CTTNBP2: variants seen among roughly 807,000 people sequenced by gnomAD.
The protein encoded by CTTNBP2 is cortactin binding protein 2, also known as cortactin-binding protein 2.
CTTNBP2 carries 108 observed loss-of-function variants against 156.9 expected under a neutral mutation model. The observed-to-expected ratio is 0.69, with a 90% CI of 0.59 to 0.81. The LOEUF (loss-of-function observed/expected upper bound fraction) is 0.81, where lower values mean the gene tolerates loss of function less well. Ranked by LOEUF, CTTNBP2 falls within the 30% of genes least tolerant of loss-of-function variation. CTTNBP2 has a pLI of 0.00. For synonymous variants in CTTNBP2, 767 were observed against 751.8 expected (o/e 1.02, Z -0.33); for missense variants, 1,924 against 2,035.4 (o/e 0.95, Z 1.05).
At chr7:117,723,470 G>C (rs1268341847) in intron 19 of CTTNBP2, among the ~76,000 whole-genome samples, 2 of 152,168 alleles carry the variant, frequency 1.3e-5, no homozygotes. Flanking sequence ...CTTTGAGAGA[G>C]GAGGAAAATG....
chr7:117,737,301 T>C (rs1795758385), intron 14 of CTTNBP2, among the ~76,000 whole-genome samples: 1 of 152,176 alleles, frequency 6.6e-6, no homozygotes, highest in South Asian at 2.1e-4. Context: ...CATTTTTAAT[T>C]CAGCGATTAA....
chr7:117,843,190 G>T (rs192673177), intron 2 of CTTNBP2, among the ~76,000 whole-genome samples: 91 of 152,268 alleles, frequency 6.0e-4, no homozygotes, highest in Non-Finnish European at 1.1e-3. Flanking sequence ...TATATGGGAG[G>T]ATATGTGTAG....
intron 5 of CTTNBP2, among the ~76,000 whole-genome samples, 167 bp from the exon 6 acceptor site, chr7:117,783,128 G>A (rs1798520043): frequency 6.6e-6 from 1 of 152,070 alleles, no homozygotes; most frequent in African/African-American, 2.4e-5. Context: ...TATTTTACAG[G>A]AAAAGCAGCC....
At chr7:117,829,879 T>C (rs1037351307) in intron 2 of CTTNBP2, among the ~76,000 whole-genome samples, 1 of 152,212 alleles carries the variant, frequency 6.6e-6, no homozygotes, top group Admixed American at 6.5e-5. Context: ...AATAATATCA[T>C]GCTTGCCTGT....
At chr7:117,762,091 C>A (rs1339087611) in intron 9 of CTTNBP2, among the ~76,000 whole-genome samples, 1 of 152,154 alleles carries the variant, frequency 6.6e-6, no homozygotes, top group Non-Finnish European at 1.5e-5. Context: ...GTTCTCTCCA[C>A]CTTTTCCAGA....
chr7:117,738,953 A>C (rs1352470734), intron 14 of CTTNBP2, among the ~76,000 whole-genome samples: 2 of 152,198 alleles, frequency 1.3e-5, no homozygotes. Context: ...AAAAGGGGGA[A>C]GGGCTGCTAT....
Position 117,808,135 on chromosome 7 carries a change from A to C in CTTNBP2, c.414+2630T>G, listed in dbSNP as rs577385595. ...GTTATTATTTTGGCTACACAGATTC[A>C]AAGTTCTGATCAAATTAAAAGGTCT... On this transcript the variant is annotated intron_variant, in intron 3 of 22. Transcript: ENST00000160373. Among the ~76,000 whole-genome samples, 28 of 152,330 alleles carry C rather than the reference A, an allele frequency of 1.8e-4. No homozygotes were observed. In the East Asian group the frequency reaches 4.6e-3, roughly 25 times the overall value.
chr7:117,828,187 T>G (rs981391522), intron 2 of CTTNBP2, among the ~76,000 whole-genome samples: 3 of 152,182 alleles, frequency 2.0e-5, no homozygotes, highest in African/African-American at 7.2e-5. Context: ...TAAATAAATG[T>G]TCCCCAGTCC....
Position 117,791,415 on chromosome 7 carries a change from C to T in CTTNBP2, c.1781G>A (p.Gly594Glu). Residue 594 changes from glycine to glutamate, a missense_variant, in exon 4 of 23, where the codon GGG (glycine) becomes GAG (glutamate). By Grantham distance (98) the Gly-to-Glu change is moderately conservative. Coordinates refer to ENST00000160373, the MANE Select transcript of CTTNBP2 (RefSeq NM_033427.3). ...GTTCTCCTCATTGATCACCCTGTTC[C>T]CTTGTGGCAAACTGGAAGGAGTCGA... is the stretch of plus-strand genomic sequence containing the variant. ...VASTPSSLPQ[G>E]NRVINEENLP... The T allele has an allele frequency of 6.2e-7, 1 of 1,614,164 alleles. No individual in the cohort carries two copies. Among genetic ancestry groups the T allele is most frequent in the Non-Finnish European group, 8.5e-7 (1 of 1,180,050 alleles).
chr7:117,803,977 A>C (rs1479698210), intron 3 of CTTNBP2, among the ~76,000 whole-genome samples: 2 of 152,098 alleles, frequency 1.3e-5, no homozygotes, highest in African/African-American at 4.8e-5. Context: ...GAATGAATGA[A>C]TGAATGAGAT....
intron 3 of CTTNBP2, among the ~76,000 whole-genome samples, chr7:117,807,719 A>G (rs1361915614): frequency 6.6e-6 from 1 of 152,198 alleles, no homozygotes; most frequent in Non-Finnish European, 1.5e-5. Flanking sequence ...CAGTGAGGGC[A>G]CCAGTGCTGT....
At position 117,746,007 on chromosome 7, in the gene CTTNBP2, C is replaced by T; in HGVS notation, c.3435+6G>A. ...GAAAAGCAGCTGATATACAAGTAAT[C>T]AATACCTTCAGGCAGAGTGCAAGCT... On this transcript the variant is annotated splice_donor_region_variant and intron_variant, in intron 13 of 22. Transcript: ENST00000160373. 1 of 1,613,366 alleles carries T rather than the reference C, an allele frequency of 6.2e-7. No individual in the cohort carries two copies. Among genetic ancestry groups the T allele is most frequent in the Non-Finnish European group, 8.5e-7 (1 of 1,179,318 alleles).
intron 3 of CTTNBP2, among the ~76,000 whole-genome samples, chr7:117,804,332 A>G (rs1799801184): frequency 6.6e-6 from 1 of 152,200 alleles, no homozygotes; most frequent in South Asian, 2.1e-4. Context: ...TATATAACAA[A>G]CATTTGTTTT....
At chr7:117,853,814 C>T (rs1803085317) in intron 2 of CTTNBP2, among the ~76,000 whole-genome samples, 1 of 152,120 alleles carries the variant, frequency 6.6e-6, no homozygotes, top group Admixed American at 6.5e-5. Context: ...AATCAGCAGG[C>T]AAATGCTATG....
At position 117,792,818 on chromosome 7, in the gene CTTNBP2, C is replaced by T; in HGVS notation, c.415-37G>A. 1.5e-6 allele frequency: 2 copies of T among 1,375,416 alleles called. No homozygotes were observed. The highest frequency in any genetic ancestry group is 1.9e-6 in the Non-Finnish European group (2 of 1,040,350). The allele number at this position is 1,375,416 out of a possible 1,614,324, so 85.2% of individuals were successfully genotyped here. On this transcript the variant is annotated intron_variant, in intron 3 of 22. Transcript: ENST00000160373. This position sits in a 1 kb window ranked among gnomAD's most constrained non-coding sequence, Gnocchi z 4.2. The stretch of plus-strand genomic sequence containing the variant: ...TCACAGGAAAACCCTGATTAATATA[C>T]AGAATTTTCTTTTCACCAAGGAAAT...
At chr7:117,764,236 T>C (rs1471407429) in intron 9 of CTTNBP2, among the ~76,000 whole-genome samples, 1 of 152,172 alleles carries the variant, frequency 6.6e-6, no homozygotes, top group African/African-American at 2.4e-5. Context: ...CAGGATTGCA[T>C]CAAAACTTAC....
chr7:117,817,361 AATATATATATAT>A (rs59036381), intron 2 of CTTNBP2, among the ~76,000 whole-genome samples: 6 of 53,286 alleles, frequency 1.1e-4, no homozygotes, highest in African/African-American at 4.5e-4. Context: ...AAAAAAAAAA[AATATATATATAT>A]ATATATATAT....
At chr7:117,852,503 ACCAG>A (rs1802994521) in intron 2 of CTTNBP2, among the ~76,000 whole-genome samples, 2 of 152,198 alleles carry the variant, frequency 1.3e-5, no homozygotes, top group Non-Finnish European at 2.9e-5. Context: ...TCTCAAGTGC[ACCAG>A]CATGTTCTCT....
chr7:117,837,156 GAC>G (rs1425802561), intron 2 of CTTNBP2, among the ~76,000 whole-genome samples: 1 of 152,164 alleles, frequency 6.6e-6, no homozygotes, highest in African/African-American at 2.4e-5. Context: ...CTAAAAGCTA[GAC>G]TTAGTCCTGT....
Sources: gnomAD v4.1 joint callset for allele counts (sites outside exome capture counted in the v4.1 genomes callset) on GRCh38, gnomAD v4.1.1 for gene constraint, Gnocchi (gnomAD v3.1) non-coding constraint, MANE v1.5 for transcripts, NCBI Gene and HGNC (gene_info 2026-07-23, HGNC 2026-07-21) for gene names.